ERC2: variants seen among roughly 807,000 people sequenced by gnomAD.
ERC2 encodes ELKS/RAB6-interacting/CAST family member 2, also known as ERC protein 2.
A neutral mutation model predicts 114.8 loss-of-function variants in ERC2; 42 were observed. That is an observed-to-expected ratio of 0.37 (90% CI 0.29 to 0.47). The LOEUF is 0.47. ERC2 is among the 20% of genes least tolerant of loss of function. The probability of loss-of-function intolerance (pLI) is 0.99; values close to 1 mark genes in which losing one functional copy is unlikely to be tolerated. For missense variants in ERC2, 939 were observed against 1,150.7 expected, an observed-to-expected ratio of 0.82 and a Z score of 2.66; for synonymous variants, 454 against 425.5, an observed-to-expected ratio of 1.07 and a Z score of -0.82.
intron 7 of ERC2, among the ~76,000 whole-genome samples, chr3:56,072,896 C>G (rs969192182): frequency 2.0e-5 from 3 of 152,078 alleles, no homozygotes; most frequent in African/African-American, 4.8e-5. Flanking sequence ...CTAGCACCCC[C>G]CTAACAAATT....
intron 17 of ERC2, among the ~76,000 whole-genome samples, chr3:55,524,176 C>G (rs1021516677): frequency 3.3e-5 from 5 of 152,246 alleles, no homozygotes; most frequent in Admixed American, 6.5e-5. Flanking sequence ...TTATCTCCCC[C>G]TCTATACTCG....
intron 1 of ERC2, among the ~76,000 whole-genome samples, chr3:56,453,780 G>A (rs1378232824): frequency 6.6e-6 from 1 of 152,102 alleles, no homozygotes; most frequent in Admixed American, 6.5e-5. Context: ...CTTGGACATC[G>A]AGATGAAGGC....
chr3:56,117,913 T>G (rs1032111298), intron 6 of ERC2, among the ~76,000 whole-genome samples: 11 of 152,230 alleles, frequency 7.2e-5, no homozygotes, highest in African/African-American at 2.6e-4. Flanking sequence ...GGTTTAGAGG[T>G]GAGCAGATTT....
chr3:55,590,071 T>G (rs1461536986), intron 17 of ERC2, among the ~76,000 whole-genome samples: 1 of 152,224 alleles, frequency 6.6e-6, no homozygotes, highest in Non-Finnish European at 1.5e-5. Context: ...GACAATACAT[T>G]TTTTTGAAGG....
At chr3:56,032,528 A>G (rs1354207240) in intron 7 of ERC2, among the ~76,000 whole-genome samples, 1 of 152,192 alleles carries the variant, frequency 6.6e-6, no homozygotes, top group Non-Finnish European at 1.5e-5. Flanking sequence ...GGAAATGAGT[A>G]TTCAGATCCG....
At chr3:56,025,586 A>G (rs985401617) in intron 7 of ERC2, among the ~76,000 whole-genome samples, 8 of 152,108 alleles carry the variant, frequency 5.3e-5, no homozygotes, top group Admixed American at 2.0e-4. Flanking sequence ...CATTTCTCAC[A>G]TAGAAAATCA....
At chr3:55,794,926 T>C (rs959779877) in intron 14 of ERC2, among the ~76,000 whole-genome samples, 3 of 152,204 alleles carry the variant, frequency 2.0e-5, no homozygotes, top group African/African-American at 7.2e-5. Flanking sequence ...TGGACCATCA[T>C]GTCATTTTCA....
rs574371612 is a variant in ERC2, at chr3:55,546,197, G to A, written c.*40-34921C>T. Among the ~76,000 whole-genome samples, 13 of 152,240 alleles carry A rather than the reference G, an allele frequency of 8.5e-5. No homozygotes were observed. The East Asian group carries it at 2.1e-3, about 25-fold the overall frequency. On this transcript the variant is annotated intron_variant, in intron 17 of 17. Coordinates refer to ENST00000288221, the MANE Select transcript of ERC2 (RefSeq NM_015576.3). ...TACCCAGGAGGCAGAGGCTCTGCTC[G>A]GCACTTCCTGGGCCTCTTCATTCTG...
rs189843559 is a variant in ERC2 at position 55,874,578 on chromosome 3, A to G, written c.2564+13811T>C. On this transcript the variant is annotated intron_variant, in intron 14 of 17. Coordinates refer to ENST00000288221, the MANE Select transcript of ERC2 (RefSeq NM_015576.3). ...TAACACTTGTTAGAATGATTTAACAATGATTTGTTAAGTCATTCTAACAAA... is the reference window on the plus strand; with the variant it reads ...TAACACTTGTTAGAATGATTTAACAGTGATTTGTTAAGTCATTCTAACAAA... Among the ~76,000 whole-genome samples the G allele has an allele frequency of 7.2e-5, 11 of 151,754 alleles. No individual in the cohort carries two copies. In the East Asian group the frequency reaches 1.9e-3, roughly 27 times the overall value.
chr3:56,311,511 C>T (rs754278843), intron 2 of ERC2, among the ~76,000 whole-genome samples: 1 of 151,272 alleles, frequency 6.6e-6, no homozygotes, highest in Non-Finnish European at 1.5e-5. Flanking sequence ...GTGTTAGCCA[C>T]GGTGGTCTCA....
At chr3:56,004,876 T>C (rs1196385991) in intron 10 of ERC2, among the ~76,000 whole-genome samples, 1 of 152,070 alleles carries the variant, frequency 6.6e-6, no homozygotes, top group Non-Finnish European at 1.5e-5. Context: ...TAAGCTTTTA[T>C]AGCTGCTTAT....
intron 17 of ERC2, among the ~76,000 whole-genome samples, chr3:55,551,293 C>T (rs976072512): frequency 7.2e-5 from 11 of 151,916 alleles, no homozygotes; most frequent in East Asian, 5.8e-4. Flanking sequence ...GAGGCAGAGG[C>T]GGGTGGATCA....
Position 56,285,095 on chromosome 3 carries a change from T to TC in ERC2, c.1074+10923dup, listed in dbSNP as rs533443690. On this transcript the variant is annotated intron_variant, in intron 3 of 17. Coordinates refer to ENST00000288221, the MANE Select transcript of ERC2 (RefSeq NM_015576.3). ...CTTATGTTTCTTTTTAGGCTCAAGC[T>TC]CCCCCCCATCCCTACCTCCCCCCAG... Among the ~76,000 whole-genome samples, 35 of 127,588 alleles carry TC rather than the reference T, an allele frequency of 2.7e-4. 1 individual carries two copies. In the Middle Eastern group the frequency reaches 0.016, roughly 58 times the overall value. The allele number at this position is 127,588 out of a possible 152,430, so 83.7% of individuals were successfully genotyped here.
chr3:55,830,369 C>A (rs746473990), intron 14 of ERC2, among the ~76,000 whole-genome samples: 2 of 152,102 alleles, frequency 1.3e-5, no homozygotes, highest in Middle Eastern at 3.2e-3. Context: ...AATTCAGAAA[C>A]GAAGGACATT....
At chr3:56,073,648 G>A (rs1436393267) in intron 7 of ERC2, among the ~76,000 whole-genome samples, 1 of 152,168 alleles carries the variant, frequency 6.6e-6, no homozygotes, top group Non-Finnish European at 1.5e-5. Flanking sequence ...GCAAAGTGGA[G>A]CAGCTTCCCA....
chr3:56,125,782 T>G (rs1211506769), intron 6 of ERC2, among the ~76,000 whole-genome samples: 2 of 152,216 alleles, frequency 1.3e-5, no homozygotes, highest in East Asian at 1.9e-4. Context: ...TCTTTATGGT[T>G]GCCATCATGT....
At chr3:55,864,108 T>TATATATACACACACACAC (rs1271665602) in intron 14 of ERC2, among the ~76,000 whole-genome samples, 305 of 139,352 alleles carry the variant, frequency 2.2e-3, no homozygotes, top group African/African-American at 8.1e-3. Context: ...TATATATATA[T>TATATATACACACACACAC]ATATATATAT....
At chr3:55,687,686 C>T (rs1230865566) in intron 16 of ERC2, among the ~76,000 whole-genome samples, 2 of 152,152 alleles carry the variant, frequency 1.3e-5, no homozygotes, top group African/African-American at 4.8e-5. Context: ...TCATTCATGG[C>T]TTCTCTAAAG....
chr3:55,625,586 C>T (rs1183133847), intron 17 of ERC2, among the ~76,000 whole-genome samples: 1 of 151,866 alleles, frequency 6.6e-6, no homozygotes, highest in Non-Finnish European at 1.5e-5. Flanking sequence ...CCCGTCTCTA[C>T]TAAAAATACA....
Sources: allele counts gnomAD v4.1 joint callset (sites outside exome capture counted in the v4.1 genomes callset), GRCh38; gene constraint gnomAD v4.1.1; transcripts MANE v1.5; gene names NCBI Gene and HGNC (gene_info 2026-07-23, HGNC 2026-07-21).